The following LARGE1 variants were observed in gnomAD, a reference collection of about 807,000 sequenced individuals.
The protein encoded by LARGE1 is LARGE xylosyl- and glucuronyltransferase 1.
LARGE1 carries 43 observed loss-of-function variants against 87.6 expected under a neutral mutation model. The observed-to-expected ratio is 0.49, with a 90% confidence interval of 0.38 to 0.63. LARGE1 has a LOEUF of 0.63. Ranked by LOEUF, LARGE1 falls within the 30% of genes least tolerant of loss-of-function variation. The probability of loss-of-function intolerance (pLI) is 0.00; values close to 1 mark genes in which losing one functional copy is unlikely to be tolerated. For missense variants in LARGE1, 802 were observed against 1,000.2 expected (o/e 0.80, Z 2.67); for synonymous variants, 434 against 394.6 (o/e 1.10, Z -1.18).
At chr22:33,374,235 C>G (rs1246855703) in intron 9 of LARGE1, among the ~76,000 whole-genome samples, 5 of 152,098 alleles carry the variant, frequency 3.3e-5, no homozygotes, top group African/African-American at 9.7e-5. Flanking sequence ...ATTCAAGTAC[C>G]CTTTTCATCA....
chr22:33,574,105 A>T (rs1251239289), intron 5 of LARGE1, among the ~76,000 whole-genome samples: 4 of 152,156 alleles, frequency 2.6e-5, no homozygotes, highest in Non-Finnish European at 2.9e-5. Context: ...GAATGCTAGG[A>T]GGTGGGAATT....
At chr22:33,291,123 A>T (rs375768279) in intron 12 of LARGE1, among the ~76,000 whole-genome samples, 1 of 152,202 alleles carries the variant, frequency 6.6e-6, no homozygotes, top group African/African-American at 2.4e-5. Context: ...GCTAATCAGG[A>T]AAAGGATCCA....
chr22:33,283,253 G>C lies in LARGE1; in HGVS notation c.1826C>G (p.Ser609Ter). The change falls in exon 13 of 15, where the codon TCA becomes TGA. Residue 609 changes from serine (S) to a stop codon, truncating the protein, a stop_gained. Transcript: ENST00000397394. LOFTEE classifies it high-confidence loss of function. Reference sequence around the variant, plus strand: ...CAGCATTGACAGCAACTCCGCTTTTGACTTGGGGAAGGACAGCCGGTAGCG... The same window carrying C: ...CAGCATTGACAGCAACTCCGCTTTTCACTTGGGGAAGGACAGCCGGTAGCG... The part of the protein sequence containing the change: ...TLRYRLSFPK[S>*]KAELLSMLDM... The C allele has an allele frequency of 6.2e-7, 1 of 1,614,178 alleles. No individual in the cohort carries two copies. Among genetic ancestry groups the C allele is most frequent in the Non-Finnish European group, 8.5e-7 (1 of 1,180,036 alleles).
intron 2 of LARGE1, among the ~76,000 whole-genome samples, chr22:33,656,579 T>C (rs1474970367): frequency 6.6e-6 from 1 of 152,156 alleles, no homozygotes; most frequent in Non-Finnish European, 1.5e-5. Flanking sequence ...CAGAAGTGGA[T>C]AGAATCCCCT....
chr22:33,259,511 CATGGACACACACA>C (rs1368696553), intron 11 of LARGE1, among the ~76,000 whole-genome samples: 1 of 152,036 alleles, frequency 6.6e-6, no homozygotes, highest in Non-Finnish European at 1.5e-5. Context: ...CGCGTGTGTG[CATGGACACACACA>C]CACACTTTAC....
intron 6 of LARGE1, among the ~76,000 whole-genome samples, chr22:33,520,994 G>C (rs1443157670): frequency 2.0e-5 from 3 of 152,186 alleles, no homozygotes; most frequent in East Asian, 3.8e-4. Flanking sequence ...GCTCCTTGAG[G>C]CCAGGGCACT....
At position 33,626,280 on chromosome 22, in the gene LARGE1, T is replaced by C; in HGVS notation, c.455A>G (p.Asp152Gly). 6.2e-7 allele frequency: 1 copy of C among 1,614,114 alleles called. No individual in the cohort carries two copies. The highest frequency in any genetic ancestry group is 8.5e-7 in the Non-Finnish European group (1 of 1,179,992). The change falls in exon 4 of 15, where the codon GAT (aspartate) becomes GGT (glycine). Residue 152 changes from aspartate (D) to glycine (G), a missense_variant. Transcript: ENST00000397394. ...IVCAGYNASR[D>G]VVTLVKSVLF... ...GACGGATTTGACCAGGGTGACGACA[T>C]CCCGGCTGGCATTGTATCCGGCGCA...
Position 33,273,754 on chromosome 22 carries a change from A to G in LARGE1, c.*673T>C. 2.5e-6 allele frequency: 1 copy of G among 398,612 alleles called. No homozygotes were observed. The highest frequency in any genetic ancestry group is 1.4e-4 in the South Asian group (1 of 7,074). 24.7% of individuals were successfully genotyped at this position (398,612 alleles called of 1,614,324 possible). A position where few individuals can be genotyped will look rare whatever the true frequency, so the allele number is the denominator to read the frequency against. ...AGCTGATTTTCCTTTAGAGCCTCAAAGGATCAGATTTTCTATTTTGGATTG... is the reference window on the plus strand; with the variant it reads ...AGCTGATTTTCCTTTAGAGCCTCAAGGGATCAGATTTTCTATTTTGGATTG... On this transcript the variant is annotated 3_prime_UTR_variant, in exon 15 of 15. Transcript: ENST00000397394.
In LARGE1 at chr22:33,436,506, T is replaced by C. The variant is rs570764031; in HGVS notation, c.788-4241A>G. ...TTCATTCAACCTAGAAGTTAGTTAT[T>C]AGTGGGAGGATGCTTTCCCCTACTT... On this transcript the variant is annotated intron_variant, in intron 6 of 14. Transcript: ENST00000397394. 2.6e-5 allele frequency: 4 copies of C among 154,194 alleles called. No homozygotes were observed. In the East Asian group the frequency reaches 7.7e-4, roughly 30 times the overall value. The allele number at this position is 154,194 out of a possible 1,614,324, so 9.6% of individuals were successfully genotyped here. A position where few individuals can be genotyped will look rare whatever the true frequency, so the allele number is the denominator to read the frequency against.
intron 7 of LARGE1, among the ~76,000 whole-genome samples, chr22:33,410,208 A>G (rs946105245): frequency 1.3e-5 from 2 of 152,186 alleles, no homozygotes; most frequent in African/African-American, 4.8e-5. Flanking sequence ...CATGATGGCA[A>G]GTACTACTGT....
the LARGE1 span, chr22:33,105,481 C>T: frequency 2.6e-5 from 4 of 152,316 alleles, no homozygotes; most frequent in African/African-American, 9.6e-5. Flanking sequence ...CTGTAGGAGC[C>T]CTTGGCTGTG....
At chr22:33,919,508 A>G (rs1164033541) in intron 1 of LARGE1, among the ~76,000 whole-genome samples, 1 of 152,250 alleles carries the variant, frequency 6.6e-6, no homozygotes, top group Non-Finnish European at 1.5e-5. Context: ...ACTCTGTCCT[A>G]AAGAGGGACT....
intron 6 of LARGE1, among the ~76,000 whole-genome samples, chr22:33,448,045 C>T (rs2067759485): frequency 6.6e-6 from 1 of 151,306 alleles, no homozygotes; most frequent in Non-Finnish European, 1.5e-5. Context: ...TTCGGAATAG[C>T]CAAATTCACG....
At chr22:33,681,932 AGGCT>A (rs772122664) in intron 2 of LARGE1, among the ~76,000 whole-genome samples, 50 of 152,186 alleles carry the variant, frequency 3.3e-4, no homozygotes, top group Non-Finnish European at 7.4e-5. Flanking sequence ...TAACTGCCCC[AGGCT>A]GATCAGCAGA....
intron 1 of LARGE1, among the ~76,000 whole-genome samples, chr22:33,871,808 C>A (rs1273788014): frequency 6.6e-6 from 1 of 151,764 alleles, no homozygotes; most frequent in Non-Finnish European, 1.5e-5. Context: ...CAATATTTAA[C>A]TAATGATTAC....
At chr22:33,556,570 GGCAGGCAGGCAGGC>G (rs2077693974) in intron 6 of LARGE1, among the ~76,000 whole-genome samples, 1 of 111,616 alleles carries the variant, frequency 9.0e-6, no homozygotes, top group African/African-American at 4.5e-5. Context: ...GAGGGAGGCA[GGCAGGCAGGCAGGC>G]AGGAAGGCAG....
chr22:33,472,903 A>G (rs985844149), intron 6 of LARGE1, among the ~76,000 whole-genome samples: 1 of 152,220 alleles, frequency 6.6e-6, no homozygotes, highest in Non-Finnish European at 1.5e-5. Flanking sequence ...ATGCACCTGT[A>G]TCTTTCTGCA....
chr22:33,611,726 G>A (rs564516467), intron 4 of LARGE1, among the ~76,000 whole-genome samples: 1 of 152,336 alleles, frequency 6.6e-6, no homozygotes, highest in South Asian at 2.1e-4. Context: ...GGGGCCAGGA[G>A]AGGAATGATA....
rs1249636577 is a variant in LARGE1, at chr22:33,337,764, T to C, written c.1169A>G (p.Lys390Arg). Residue 390 changes from lysine (K) to arginine (R), a missense_variant, in exon 10 of 15, where the codon AAG (lysine) becomes AGG (arginine). By Grantham distance (26) the Lys-to-Arg change is conservative (BLOSUM62 2). This residue lies in a region of LARGE1 where 625 missense variants were observed against 841.9 expected (regional missense o/e 0.74). Transcript: ENST00000397394. ...GCGAAAAAACTCCACATGCTTGTTC[T>C]TCACCCGGAGCTTCTTGGGGGAGTT... is the stretch of plus-strand genomic sequence containing the variant. Reference protein sequence around the residue: ...HWNSPKKLRVKNKHVEFFRNL... With the variant: ...HWNSPKKLRVRNKHVEFFRNL... 6 of 1,614,086 alleles carry C rather than the reference T, an allele frequency of 3.7e-6. No individual in the cohort carries two copies. The African/African-American group carries it at 5.3e-5, about 14-fold the overall frequency.
Sources: gnomAD v4.1 joint callset for allele counts (sites outside exome capture counted in the v4.1 genomes callset) on GRCh38, gnomAD v4.1.1 for gene constraint, gnomAD v4.1.1 regional missense constraint, MANE v1.5 for transcripts, NCBI Gene and HGNC (gene_info 2026-07-23, HGNC 2026-07-21) for gene names.